CNPY3: variants seen among roughly 807,000 people sequenced by gnomAD.
CNPY3 encodes protein canopy homolog 3.
A neutral mutation model predicts 32.0 loss-of-function variants in CNPY3; 20 were observed. The ratio of observed to expected loss-of-function variants is 0.63; its 90% CI spans 0.44 to 0.91. The LOEUF is 0.91. Ranked by LOEUF, CNPY3 falls within the 40% of genes least tolerant of loss-of-function variation. The pLI is 0.00. For synonymous variants in CNPY3, 138 were observed against 142.9 expected, an observed-to-expected ratio of 0.97 and a Z score of 0.24; for missense variants, 299 against 340.8, an observed-to-expected ratio of 0.88 and a Z score of 0.97.
chr6:42,932,083 C>T (rs1767869382), intron 1 of CNPY3, among the ~76,000 whole-genome samples: 1 of 152,126 alleles, frequency 6.6e-6, no homozygotes, highest in Non-Finnish European at 1.5e-5. Flanking sequence ...ATTCTCATAG[C>T]CTAAGGAGCT....
intron 1 of CNPY3, among the ~76,000 whole-genome samples, chr6:42,933,294 A>T (rs1352145659): frequency 1.3e-5 from 2 of 152,160 alleles, no homozygotes; most frequent in African/African-American, 4.8e-5. Context: ...AGTGGTAGTT[A>T]TTTGTCTACA....
intron 1 of CNPY3, among the ~76,000 whole-genome samples, chr6:42,933,976 G>C (rs1265363445): frequency 6.6e-6 from 1 of 152,142 alleles, no homozygotes; most frequent in African/African-American, 2.4e-5. Flanking sequence ...TTCAAGACCA[G>C]CCTACCCAAC....
At position 42,929,625 on chromosome 6, in the gene CNPY3, C is replaced by T. The variant is rs1250912350; in HGVS notation, c.55C>T (p.Leu19=). The T allele has an allele frequency of 5.8e-6, 9 of 1,548,344 alleles. No individual in the cohort carries two copies. The highest frequency in any genetic ancestry group is 6.1e-6 in the Non-Finnish European group (7 of 1,146,142). ...SRCLLLLPLL[L]LLLLLLPAPE... The stretch of plus-strand genomic sequence containing the variant: ...CTGTCTTCTGCTTCTTCCCTTGCTG[C>T]TGCTGCTGCTGCTGCTGCTGCCGGC... The change falls in exon 1 of 6, where the codon CTG becomes TTG. Residue 19 remains leucine, a synonymous_variant. Transcript: ENST00000372836.
chr6:42,930,054 T>G (rs1767682557), intron 1 of CNPY3, among the ~76,000 whole-genome samples: 1 of 149,956 alleles, frequency 6.7e-6, no homozygotes, highest in Non-Finnish European at 1.5e-5. Flanking sequence ...CAGAGGGGAG[T>G]CAAAGAGGGC....
In CNPY3 at chr6:42,929,558, G is replaced by A. The variant is rs552432981; in HGVS notation, c.-13G>A. Reference sequence around the variant, plus strand: ...AACCGCCCGGTCCTTTAGGGTCCGGGCCCGGCCGGGCCATGGATTCAATGC... The same window carrying A: ...AACCGCCCGGTCCTTTAGGGTCCGGACCCGGCCGGGCCATGGATTCAATGC... On this transcript the variant is annotated 5_prime_UTR_variant, in exon 1 of 6. Transcript: ENST00000372836. The A allele has an allele frequency of 2.6e-5, 40 of 1,566,198 alleles. No homozygotes were observed. In the Middle Eastern group the frequency reaches 6.1e-4, roughly 24 times the overall value.
intron 1 of CNPY3, among the ~76,000 whole-genome samples, chr6:42,933,025 A>G (rs1451283267): frequency 6.6e-6 from 1 of 152,222 alleles, no homozygotes. Flanking sequence ...CTAATACATA[A>G]TGCACATTTT....
chr6:42,933,449 G>A (rs1767981377), intron 1 of CNPY3, among the ~76,000 whole-genome samples: 1 of 152,206 alleles, frequency 6.6e-6, no homozygotes, highest in South Asian at 2.1e-4. Context: ...TGCGGAGACA[G>A]TAGGAACAAG....
At chr6:42,932,412 GA>G (rs1205026339) in intron 1 of CNPY3, among the ~76,000 whole-genome samples, 1 of 152,118 alleles carries the variant, frequency 6.6e-6, no homozygotes, top group East Asian at 1.9e-4. Context: ...AACCTGCCCG[GA>G]AAAAAAGAGT....
chr6:42,929,539 C>G lies in CNPY3; in HGVS notation c.-32C>G. 3 of 1,538,866 alleles carry G rather than the reference C, an allele frequency of 1.9e-6. No homozygotes were observed. The highest frequency in any genetic ancestry group is 2.6e-6 in the Non-Finnish European group (3 of 1,140,032). On this transcript the variant is annotated 5_prime_UTR_variant, in exon 1 of 6. Transcript: ENST00000372836. ...CGCGCGCCGCGGGAGGAGGAACCGC[C>G]CGGTCCTTTAGGGTCCGGGCCCGGC...
In CNPY3 at chr6:42,934,650, A is replaced by G. The variant is rs139530246; in HGVS notation, c.275+52A>G. On this transcript the variant is annotated intron_variant, in intron 2 of 5. Transcript: ENST00000372836. ...GGCCTGCGTTGCTGCTGGAGGCTTC[A>G]GGGGTTTGGAGTTCCCTTCTCCTAG... The G allele has an allele frequency of 8.3e-4, 1,326 of 1,606,200 alleles. 9 individuals are homozygous for G. In the African/African-American group the frequency reaches 0.016, roughly 19 times the overall value.
In CNPY3 at chr6:42,939,082, A is replaced by G. The variant is rs1768434883; in HGVS notation, c.*291A>G. 3 of 1,197,718 alleles carry G rather than the reference A, an allele frequency of 2.5e-6. No individual in the cohort carries two copies. The highest frequency in any genetic ancestry group is 3.1e-5 in the African/African-American group (2 of 64,144). 74.2% of individuals were successfully genotyped at this position (1,197,718 alleles called of 1,614,324 possible). ...TGTGAACTCAGGAGGGGCAGGTGTC[A>G]GAACTGGGCACCAGGACTGGAGCCC... On this transcript the variant is annotated 3_prime_UTR_variant, in exon 6 of 6. Transcript: ENST00000372836.
rs80353219 is a variant in CNPY3, at chr6:42,930,270, C to T, written c.151+549C>T. On this transcript the variant is annotated intron_variant, in intron 1 of 5. Transcript: ENST00000372836. ...CCTTTTGCCCTCACTGCAACCCAAT[C>T]TGTGTAGTTGTCTGTTGCACCCACT... Among the ~76,000 whole-genome samples the T allele has an allele frequency of 1.3e-3, 192 of 152,298 alleles. 5 individuals carry two copies. In the East Asian group the frequency reaches 0.034, roughly 27 times the overall value.
upstream of CNPY3, among the ~76,000 whole-genome samples, chr6:42,928,194 G>A (rs1767516859): frequency 6.6e-6 from 1 of 152,030 alleles, no homozygotes; most frequent in African/African-American, 2.4e-5. Context: ...TCAGCATCTT[G>A]GCCAGGCTGG....
intron 2 of CNPY3, 153 bp from the exon 3 acceptor site, chr6:42,935,421 T>A: frequency 1.0e-6 from 1 of 985,294 alleles, no homozygotes; most frequent in Non-Finnish European, 1.2e-6. Context: ...GCATTTCAGA[T>A]CCCCCAGACC....
At chr6:42,934,751 T>G (rs536248910) in intron 2 of CNPY3, among the ~76,000 whole-genome samples, 153 bp downstream of exon 2, 287 of 152,336 alleles carry the variant, frequency 1.9e-3, no homozygotes, top group Non-Finnish European at 3.4e-3. Context: ...CCCAGCTAAT[T>G]GGGTGACGTG....
chr6:42,938,065 C>A, intron 4 of CNPY3, 25 bp from the exon 5 acceptor site: 2 of 1,594,610 alleles, frequency 1.3e-6, no homozygotes, highest in South Asian at 1.1e-5. Context: ...GGGGCTTTGC[C>A]AATATGAGGT....
upstream of CNPY3, chr6:42,929,278 A>G (rs1179507298): frequency 2.6e-6 from 1 of 379,506 alleles, no homozygotes; most frequent in Non-Finnish European, 4.8e-6. Flanking sequence ...GGACTTTGCC[A>G]TAGGTCGCTG....
chr6:42,935,991 G>A (rs1768195745), intron 3 of CNPY3, among the ~76,000 whole-genome samples: 1 of 148,758 alleles, frequency 6.7e-6, no homozygotes, highest in South Asian at 2.1e-4. Context: ...TGTGCAGAAA[G>A]GTGGGGGTTT....
intron 2 of CNPY3, among the ~76,000 whole-genome samples, chr6:42,934,883 C>T (rs551828283): frequency 1.6e-4 from 24 of 151,864 alleles, no homozygotes; most frequent in African/African-American, 5.5e-4. Context: ...TTTTTTTTTG[C>T]GACGGAGTTT....
Sources: gnomAD v4.1 joint callset for allele counts (sites outside exome capture counted in the v4.1 genomes callset) on GRCh38, gnomAD v4.1.1 for gene constraint, MANE v1.5 for transcripts, NCBI Gene and HGNC (gene_info 2026-07-23, HGNC 2026-07-21) for gene names.